The following KLRC1 variants were observed in gnomAD, a reference collection of about 807,000 sequenced individuals.
The protein encoded by KLRC1 is NKG2-A/NKG2-B type II integral membrane protein.
In KLRC1, 22 loss-of-function variants were observed where a neutral mutation model predicts 25.9. That is an observed-to-expected ratio of 0.85 (90% CI 0.61 to 1.21). The LOEUF is 1.21. Ranked by LOEUF, KLRC1 falls within the 50% of genes most tolerant of loss-of-function variation. The pLI is 0.00. For missense variants in KLRC1, 240 were observed against 272.2 expected, an observed-to-expected ratio of 0.88 and a Z score of 0.83; for synonymous variants, 77 against 93.1, an observed-to-expected ratio of 0.83 and a Z score of 0.99.
chr12:10,447,272 C>G (rs1188306032), intron 6 of KLRC1: 1 of 318,012 alleles, frequency 3.1e-6, no homozygotes. Context: ...TTATGTGTGG[C>G]CCAAGACTCT....
At chr12:10,444,860 T>C (rs912454771), downstream of KLRC1, among the ~76,000 whole-genome samples, 10 of 151,950 alleles carry the variant, frequency 6.6e-5, no homozygotes, top group African/African-American at 2.4e-4. Flanking sequence ...CAAATATCCT[T>C]GTGAACGTGG....
At chr12:10,447,391 G>A in intron 6 of KLRC1, 141 bp downstream of exon 6, 2 of 759,600 alleles carry the variant, frequency 2.6e-6, no homozygotes, top group Admixed American at 5.9e-5. Context: ...ATGGTCTATT[G>A]TAAAATATTT....
upstream of KLRC1, chr12:10,454,184 C>G (rs183517114): frequency 4.5e-4 from 68 of 152,356 alleles, no homozygotes; most frequent in African/African-American, 1.6e-3. Context: ...TATGCCCCCA[C>G]AGCAACAATA....
rs1863981935 is a variant in KLRC1, at chr12:10,446,254, T to C, written c.*297A>G. 1.9e-6 allele frequency: 1 copy of C among 537,716 alleles called. No individual in the cohort carries two copies. The highest frequency in any genetic ancestry group is 2.6e-6 in the Non-Finnish European group (1 of 390,944). 33.3% of individuals were successfully genotyped at this position (537,716 alleles called of 1,614,324 possible). A position where few individuals can be genotyped will look rare whatever the true frequency, so the allele number is the denominator to read the frequency against. ...CAGACATTGGCAACCACTATTCTAC[T>C]TTCTGTCTCCATGGGTTTGACTGTT... On this transcript the variant is annotated 3_prime_UTR_variant, in exon 7 of 7. Coordinates refer to ENST00000359151, the MANE Select transcript of KLRC1 (RefSeq NM_002259.5).
chr12:10,451,329 G>C (rs972301948), intron 1 of KLRC1, 142 bp from the exon 2 acceptor site: 7 of 475,242 alleles, frequency 1.5e-5, no homozygotes, highest in African/African-American at 1.2e-4. Flanking sequence ...TTTTCTTCAA[G>C]CCTAAACACG....
At chr12:10,449,864 C>A in intron 4 of KLRC1, 50 bp downstream of exon 4, 1 of 1,350,308 alleles carries the variant, frequency 7.4e-7, no homozygotes, top group Non-Finnish European at 9.8e-7. Flanking sequence ...AGCCTAAGAT[C>A]AAGAAAAAAT....
Position 10,448,877 on chromosome 12 carries a change from A to G in KLRC1, c.489+360T>C, listed in dbSNP as rs71451709. Among the ~76,000 whole-genome samples the G allele has an allele frequency of 5.9e-4, 90 of 152,308 alleles. 1 individual carries two copies. The highest frequency in any genetic ancestry group is 1.7e-3 in the African/African-American group (70 of 41,578). On this transcript the variant is annotated intron_variant, in intron 5 of 6. Transcript: ENST00000359151. Reference sequence around the variant, plus strand: ...TGAGGGCATACACAGGGGTGGAACTACTAGAGCTGGAAACTTTTATTTCAT... The same window carrying G: ...TGAGGGCATACACAGGGGTGGAACTGCTAGAGCTGGAAACTTTTATTTCAT...
At position 10,446,522 on chromosome 12, in the gene KLRC1, G is replaced by A; in HGVS notation, c.*29C>T. On this transcript the variant is annotated 3_prime_UTR_variant, in exon 7 of 7. Transcript: ENST00000359151. ...ATTTTAAGAAATATACAATTTATCT[G>A]ATGCACTGCAAATGCAAACGCTTTA... 2 of 1,579,426 alleles carry A rather than the reference G, an allele frequency of 1.3e-6. No homozygotes were observed. The highest frequency in any genetic ancestry group is 1.7e-6 in the Non-Finnish European group (2 of 1,156,764).
chr12:10,446,644 A>C lies in KLRC1; in HGVS notation c.609T>G (p.Asn203Lys), dbSNP rs763226245. ...GTAGCACTGCACAGTTAAGTTCAGC[A>C]TTATCTGAGTCTTTTATCCTGTAAT... ...AFKHEIKDSD[N>K]AELNCAVLQV... is the part of the protein sequence containing the mutation. Residue 203 changes from asparagine to lysine, a missense_variant, in exon 7 of 7, where the codon AAT becomes AAG. Asn to Lys is a moderately conservative substitution (Grantham distance 94). Transcript: ENST00000359151. 3 of 1,613,956 alleles carry C rather than the reference A, an allele frequency of 1.9e-6. No homozygotes were observed. The highest frequency in any genetic ancestry group is 2.2e-5 in the South Asian group (2 of 91,078).
Position 10,446,489 on chromosome 12 carries a change from A to G in KLRC1, c.*62T>C, listed in dbSNP as rs1863986720. 4.6e-6 allele frequency: 7 copies of G among 1,520,050 alleles called. No individual in the cohort carries two copies. The highest frequency in any genetic ancestry group is 2.4e-5 in the East Asian group (1 of 41,630). 94.2% of individuals were successfully genotyped at this position (1,520,050 alleles called of 1,614,324 possible). On this transcript the variant is annotated 3_prime_UTR_variant, in exon 7 of 7. Transcript: ENST00000359151. ...ATTTTAAGATTTATGCAATCATAATATATTTCTATTTTAAGAAATATACAA... is the reference window on the plus strand; with the variant it reads ...ATTTTAAGATTTATGCAATCATAATGTATTTCTATTTTAAGAAATATACAA...
At chr12:10,447,419 A>C (rs2137889001) in intron 6 of KLRC1, 113 bp downstream of exon 6, 1 of 961,224 alleles carries the variant, frequency 1.0e-6, no homozygotes, top group African/African-American at 1.7e-5. Context: ...CATTTCACTA[A>C]CTTTCCACAT....
rs749131648 is a variant in KLRC1, at chr12:10,450,537, C to T, written c.230G>A (p.Gly77Glu). Residue 77 changes from glycine (G) to glutamate (E), a missense_variant, in exon 3 of 7, where the codon GGA becomes GAA. Transcript: ENST00000359151. ...APEKLIVGIL[G>E]IICLILMASV... ...GGCCATTAAGATAAGACAGATAATT[C>T]CCAGGATCCCAACAATGAGCTTCTC... is the stretch of plus-strand genomic sequence containing the variant. 1 of 1,611,656 alleles carries T rather than the reference C, an allele frequency of 6.2e-7. No homozygotes were observed. The highest frequency in any genetic ancestry group is 8.5e-7 in the Non-Finnish European group (1 of 1,177,998).
At position 10,446,397 on chromosome 12, in the gene KLRC1, G is replaced by C; in HGVS notation, c.*154C>G. On this transcript the variant is annotated 3_prime_UTR_variant, in exon 7 of 7. Transcript: ENST00000359151. Reference sequence around the variant, plus strand: ...CAAATGCTAGGATGTCTGTACTTTAGTAATTGTGTGTATCCTGTTTCAATA... The same window carrying C: ...CAAATGCTAGGATGTCTGTACTTTACTAATTGTGTGTATCCTGTTTCAATA... 3 of 1,415,034 alleles carry C rather than the reference G, an allele frequency of 2.1e-6. No individual in the cohort carries two copies. Among genetic ancestry groups the C allele is most frequent in the South Asian group, 1.6e-5 (1 of 60,844 alleles). 87.7% of individuals were successfully genotyped at this position (1,415,034 alleles called of 1,614,324 possible).
At chr12:10,452,426 G>A (rs377601205) in intron 1 of KLRC1, among the ~76,000 whole-genome samples, 1 of 152,140 alleles carries the variant, frequency 6.6e-6, no homozygotes, top group South Asian at 2.1e-4. Context: ...TATAATGTGC[G>A]ACCTTTAAAA....
upstream of KLRC1, among the ~76,000 whole-genome samples, chr12:10,453,564 AT>A (rs35500295): frequency 0.26 from 39,209 of 149,298 alleles, 5,624 homozygotes; most frequent in African/African-American, 0.4. Context: ...GCCTATGAGA[AT>A]TTTTTTTTTT....
chr12:10,447,513 G>A lies in KLRC1; in HGVS notation c.590+19C>T, dbSNP rs768870976. The A allele has an allele frequency of 4.7e-5, 72 of 1,548,354 alleles. No homozygotes were observed. Among genetic ancestry groups the A allele is most frequent in the Middle Eastern group, 1.7e-4 (1 of 5,940 alleles). ...CTTTATATATATATTGTTATATAGCGCCATACAAAACAACTTACTCATGTT... is the reference window on the plus strand; with the variant it reads ...CTTTATATATATATTGTTATATAGCACCATACAAAACAACTTACTCATGTT... On this transcript the variant is annotated intron_variant, in intron 6 of 6. Coordinates refer to ENST00000359151, the MANE Select transcript of KLRC1 (RefSeq NM_002259.5).
chr12:10,448,974 T>C (rs72475452), intron 5 of KLRC1, among the ~76,000 whole-genome samples: 10,308 of 152,216 alleles, frequency 0.068, 718 homozygotes, highest in South Asian at 0.23. Context: ...TCATGCCCGA[T>C]AAAATTAGAT....
At chr12:10,450,449 A>T (rs749114497) in intron 3 of KLRC1, 35 bp downstream of exon 3, 2 of 1,210,510 alleles carry the variant, frequency 1.7e-6, no homozygotes. Context: ...CATTAACGTG[A>T]AAATTCCCCT....
At chr12:10,447,885 C>T (rs71450094) in intron 5 of KLRC1, among the ~76,000 whole-genome samples, 11 of 152,146 alleles carry the variant, frequency 7.2e-5, no homozygotes, top group African/African-American at 1.4e-4. Flanking sequence ...TTAAATAAGT[C>T]TCCTGATACT....
Sources: gnomAD v4.1 joint callset for allele counts (sites outside exome capture counted in the v4.1 genomes callset) on GRCh38, gnomAD v4.1.1 for gene constraint, MANE v1.5 for transcripts, NCBI Gene and HGNC (gene_info 2026-07-23, HGNC 2026-07-21) for gene names.